The following ANKRD42 variants were observed in gnomAD, a reference collection of about 807,000 sequenced individuals.
ANKRD42 encodes ankyrin repeat domain-containing protein 42.
A neutral mutation model predicts 51.5 loss-of-function variants in ANKRD42; 43 were observed. The ratio of observed to expected loss-of-function variants is 0.83; its 90% CI spans 0.65 to 1.08. ANKRD42 has a LOEUF of 1.08. ANKRD42 is among the 50% of genes least tolerant of loss of function. The pLI is 0.00. For missense variants in ANKRD42, 608 were observed against 629.3 expected (o/e 0.97, Z 0.36); for synonymous variants, 203 against 213.0 (o/e 0.95, Z 0.41).
intron 5 of ANKRD42, chr11:83,214,831 CTCAATTGTATATT>C (rs1284512034): frequency 6.5e-6 from 1 of 152,676 alleles, no homozygotes; most frequent in Non-Finnish European, 1.5e-5. Context: ...ATTTCTTCTA[CTCAATTGTATATT>C]TATACCCATT....
rs1219868746 is a variant in ANKRD42 at position 83,194,692 on chromosome 11, G to A, written c.22G>A (p.Gly8Ser). The A allele has an allele frequency of 2.5e-6, 4 of 1,613,084 alleles. No individual in the cohort carries two copies. The highest frequency in any genetic ancestry group is 2.5e-6 in the Non-Finnish European group (3 of 1,179,546). The change falls in exon 1 of 11, where the codon GGC (glycine) becomes AGC (serine). Residue 8 changes from glycine to serine, a missense_variant. By Grantham distance (56) the Gly-to-Ser change is moderately conservative. Transcript: ENST00000533342. MPGVANSGPSTSSRETAN... is the reference protein window; with the variant it reads MPGVANSSPSTSSRETAN... ...CGCCATGCCCGGGGTGGCCAATTCA[G>A]GCCCCTCCACTTCCTCTAGGGAGAC...
chr11:83,252,763 C>A (rs534877682), downstream of ANKRD42, among the ~76,000 whole-genome samples: 10 of 152,020 alleles, frequency 6.6e-5, no homozygotes, highest in Non-Finnish European at 1.3e-4. Context: ...ATTCATCAAG[C>A]TGTACCTTTT....
At chr11:83,217,833 T>C (rs540603764) in intron 5 of ANKRD42, among the ~76,000 whole-genome samples, 7 of 152,342 alleles carry the variant, frequency 4.6e-5, no homozygotes, top group African/African-American at 1.7e-4. Flanking sequence ...ATTGGCCTGC[T>C]CCTCTTTTGG....
chr11:83,194,600 G>T lies in ANKRD42; in HGVS notation c.-71G>T. 6.7e-7 allele frequency: 1 copy of T among 1,498,552 alleles called. No individual in the cohort carries two copies. The highest frequency in any genetic ancestry group is 1.1e-5 in the South Asian group (1 of 87,798). 92.8% of individuals were successfully genotyped at this position (1,498,552 alleles called of 1,614,324 possible). The stretch of plus-strand genomic sequence containing the variant: ...TGCCGCTGCAGTGGCTCGTGGGTGA[G>T]AGCAAGTGAAGACCGCCGCAGCATC... On this transcript the variant is annotated 5_prime_UTR_variant, in exon 1 of 11. Transcript: ENST00000533342.
intron 7 of ANKRD42, among the ~76,000 whole-genome samples, chr11:83,228,342 G>C (rs1434808048): frequency 7.5e-6 from 1 of 132,872 alleles, no homozygotes; most frequent in Admixed American, 9.0e-5. Flanking sequence ...ATCCTCCCAA[G>C]CTCAGCCTCC....
downstream of ANKRD42, among the ~76,000 whole-genome samples, chr11:83,263,133 TTATTA>T (rs1231882287): frequency 1.3e-5 from 2 of 152,208 alleles, no homozygotes; most frequent in African/African-American, 4.8e-5. Context: ...TTTGTGATCC[TTATTA>T]TATACTGTGA....
downstream of ANKRD42, among the ~76,000 whole-genome samples, chr11:83,262,738 C>T (rs926059587): frequency 6.6e-6 from 1 of 152,116 alleles, no homozygotes; most frequent in Non-Finnish European, 1.5e-5. Flanking sequence ...ATTTGTACAC[C>T]ACCCCATTTG....
intron 5 of ANKRD42, chr11:83,213,411 CAT>C: frequency 1.3e-6 from 2 of 1,549,718 alleles, no homozygotes; most frequent in African/African-American, 1.4e-5. Flanking sequence ...ATAGACAGCT[CAT>C]GTGCATGTTT....
intron 11 of ANKRD42, among the ~76,000 whole-genome samples, chr11:83,254,053 CA>C (rs1487206957): frequency 6.6e-6 from 1 of 152,180 alleles, no homozygotes; most frequent in Non-Finnish European, 1.5e-5. Context: ...TGGCTCACTG[CA>C]ACCTCCAGTT....
chr11:83,245,139 G>C (rs1266073316), intron 9 of ANKRD42, among the ~76,000 whole-genome samples: 1 of 152,090 alleles, frequency 6.6e-6, no homozygotes, highest in Non-Finnish European at 1.5e-5. Context: ...CCTGACCTCA[G>C]GTGATCCACC....
At chr11:83,211,458 T>C (rs1328965780) in intron 5 of ANKRD42, 28 bp downstream of exon 5, 1 of 1,607,846 alleles carries the variant, frequency 6.2e-7, no homozygotes, top group South Asian at 1.1e-5. Context: ...AATATTTTAG[T>C]TTTTCATTGA....
At chr11:83,255,910 A>G in exon 12 of ANKRD42, 2 of 1,534,012 alleles carry the variant, frequency 1.3e-6, no homozygotes, top group Non-Finnish European at 1.7e-6. Context: ...TTTCTTCTGG[A>G]GGGGTGTTTG....
intron 2 of ANKRD42, among the ~76,000 whole-genome samples, chr11:83,198,882 G>A (rs1433603975): frequency 6.6e-6 from 1 of 152,090 alleles, no homozygotes; most frequent in Non-Finnish European, 1.5e-5. Context: ...TTTGGATCCC[G>A]GAGACAGCTT....
downstream of ANKRD42, chr11:83,261,702 A>G (rs1863933532): frequency 2.7e-6 from 1 of 365,266 alleles, no homozygotes; most frequent in Non-Finnish European, 4.9e-6. Context: ...ACAGCTTTTC[A>G]ATATAATAAA....
chr11:83,236,382 T>TC, intron 7 of ANKRD42, 22 bp from the exon 8 acceptor site: 1 of 1,574,872 alleles, frequency 6.3e-7, no homozygotes, highest in Non-Finnish European at 8.6e-7. Flanking sequence ...TAATTCCTGT[T>TC]CTTTTTCCTT....
chr11:83,212,561 T>C, intron 5 of ANKRD42: 2 of 1,070,080 alleles, frequency 1.9e-6, no homozygotes, highest in South Asian at 1.3e-5. Flanking sequence ...GGAGTGAAAA[T>C]GATACTTAAA....
intron 3 of ANKRD42, chr11:83,209,990 G>A (rs1012547198): frequency 2.8e-5 from 10 of 351,076 alleles, no homozygotes; most frequent in Admixed American, 9.0e-5. Flanking sequence ...TTTTCCTGCC[G>A]GGTGTTGTAT....
At chr11:83,225,672 C>T (rs57497710) in intron 6 of ANKRD42, among the ~76,000 whole-genome samples, 39,937 of 149,480 alleles carry the variant, frequency 0.27, 5,472 homozygotes, top group Middle Eastern at 0.41. Flanking sequence ...CCCAGCTACT[C>T]GGGAGGTTCA....
downstream of ANKRD42, chr11:83,249,116 A>G (rs1863629833): frequency 2.0e-6 from 1 of 511,260 alleles, no homozygotes; most frequent in Non-Finnish European, 2.5e-6. Context: ...ACTGCTTCCA[A>G]TCAAATCTGT....
Sources: allele counts gnomAD v4.1 joint callset (sites outside exome capture counted in the v4.1 genomes callset), GRCh38; gene constraint gnomAD v4.1.1; transcripts MANE v1.5; gene names NCBI Gene and HGNC (gene_info 2026-07-23, HGNC 2026-07-21).